Variants in MTURN observed in about 807,000 individuals in gnomAD.
The protein encoded by MTURN is maturin.
In MTURN, 7 loss-of-function variants were observed where a neutral mutation model predicts 14.9. That is an observed-to-expected ratio of 0.47 (90% CI 0.27 to 0.88). The LOEUF (loss-of-function observed/expected upper bound fraction) is 0.88. Among genes scored for constraint, MTURN ranks in the 40% least tolerant of loss-of-function variants. The pLI is 0.14. For missense variants in MTURN, 151 were observed against 174.1 expected (o/e 0.87, Z 0.75); for synonymous variants, 69 against 72.5 (o/e 0.95, Z 0.25).
intron 1 of MTURN, among the ~76,000 whole-genome samples, chr7:30,140,379 A>G (rs1035624153): frequency 5.3e-5 from 4 of 75,244 alleles, no homozygotes; most frequent in Non-Finnish European, 1.3e-4. Flanking sequence ...TTAATTTTAC[A>G]TGTGTTTGTA....
chr7:30,150,827 G>A (rs1797200426), intron 2 of MTURN, among the ~76,000 whole-genome samples: 1 of 152,220 alleles, frequency 6.6e-6, no homozygotes, highest in South Asian at 2.1e-4. Flanking sequence ...GTGGTGGAAG[G>A]TAGATCGGCT....
intron 2 of MTURN, among the ~76,000 whole-genome samples, chr7:30,153,176 G>A (rs1382461397): frequency 1.3e-5 from 2 of 152,038 alleles, no homozygotes; most frequent in Non-Finnish European, 2.9e-5. Context: ...CTGTGTGTAC[G>A]CCTGTCTCTT....
intron 2 of MTURN, among the ~76,000 whole-genome samples, chr7:30,153,638 C>A (rs1217877553): frequency 6.6e-6 from 1 of 152,318 alleles, no homozygotes; most frequent in East Asian, 1.9e-4. Flanking sequence ...AACACAAGGT[C>A]ATTATGAGGA....
At position 30,162,103 on chromosome 7, in the gene MTURN, A is replaced by C. The variant is rs958963887; in HGVS notation, c.*4555A>C. ...TAGAAACCCCATTTAAAGCACTATA[A>C]GGCTGAATAGGCACAAGCGATTAAA... On this transcript the variant is annotated 3_prime_UTR_variant, in exon 3 of 3. Coordinates refer to ENST00000324453, the MANE Select transcript of MTURN (RefSeq NM_152793.3). The C allele has an allele frequency of 6.6e-6, 1 of 152,198 alleles. No individual in the cohort carries two copies. Among genetic ancestry groups the C allele is most frequent in the East Asian group, 1.9e-4 (1 of 5,198 alleles). 9.4% of individuals were successfully genotyped at this position (152,198 alleles called of 1,614,324 possible).
At chr7:30,157,405 C>T (rs1797303623) in intron 2 of MTURN, 33 bp from the exon 3 acceptor site, 1 of 1,527,082 alleles carries the variant, frequency 6.5e-7, no homozygotes, top group East Asian at 2.5e-5. Flanking sequence ...ATTTGGCGCT[C>T]ACAGCTGCTT....
chr7:30,157,400 G>T, intron 2 of MTURN, 38 bp from the exon 3 acceptor site: 7 of 1,516,906 alleles, frequency 4.6e-6, no homozygotes, highest in Non-Finnish European at 5.3e-6. Context: ...GGGCCATTTG[G>T]CGCTCACAGC....
At position 30,137,700 on chromosome 7, in the gene MTURN, T is replaced by C. The variant is rs1052449180; in HGVS notation, c.162+2402T>C. ...TTGAATCTGTCCCAGGCCAGGTTTG[T>C]CAAGCTACTGTTTGCCTCTAATAAG... On this transcript the variant is annotated intron_variant, in intron 1 of 2. Coordinates refer to ENST00000324453, the MANE Select transcript of MTURN (RefSeq NM_152793.3). The C allele has an allele frequency of 2.5e-5, 12 of 471,028 alleles. 1 individual carries two copies. The highest frequency in any genetic ancestry group is 4.7e-5 in the Admixed American group (2 of 42,558). 29.2% of individuals were successfully genotyped at this position (471,028 alleles called of 1,614,324 possible).
intron 1 of MTURN, among the ~76,000 whole-genome samples, chr7:30,136,076 A>G (rs1796954264): frequency 6.6e-6 from 1 of 152,080 alleles, no homozygotes. Context: ...TGCCTCTCTG[A>G]GCTGCCCGAG....
intron 2 of MTURN, among the ~76,000 whole-genome samples, chr7:30,149,141 C>T (rs750251139): frequency 3.3e-5 from 5 of 152,100 alleles, no homozygotes; most frequent in Admixed American, 6.5e-5. Context: ...AGGCTAGCCA[C>T]GTTAAATGAG....
intron 2 of MTURN, among the ~76,000 whole-genome samples, chr7:30,147,392 A>G (rs1017801271): frequency 7.9e-5 from 12 of 152,124 alleles, no homozygotes; most frequent in Admixed American, 1.3e-4. Context: ...AGCACAGTTT[A>G]AGTCTTGTGG....
At chr7:30,145,631 C>A (rs987517808) in intron 1 of MTURN, among the ~76,000 whole-genome samples, 1 of 152,180 alleles carries the variant, frequency 6.6e-6, no homozygotes, top group Non-Finnish European at 1.5e-5. Flanking sequence ...CCTTTGTTTT[C>A]CAGTGACATA....
chr7:30,162,466 G>C lies in MTURN; in HGVS notation c.*4918G>C, dbSNP rs887208907. ...ACACAAGAAGCAAAAGCAAGGAATA[G>C]TTGTTGGGTTTTTGTTTTTTGGTTG... On this transcript the variant is annotated 3_prime_UTR_variant, in exon 3 of 3. Transcript: ENST00000324453. 6.6e-6 allele frequency: 1 copy of C among 151,228 alleles called. No individual in the cohort carries two copies. Among genetic ancestry groups the C allele is most frequent in the Non-Finnish European group, 1.5e-5 (1 of 67,854 alleles). 9.4% of individuals were successfully genotyped at this position (151,228 alleles called of 1,614,324 possible).
intron 2 of MTURN, among the ~76,000 whole-genome samples, chr7:30,155,231 G>C (rs572258852): frequency 6.6e-6 from 1 of 152,232 alleles, no homozygotes; most frequent in Admixed American, 6.5e-5. Context: ...GAACCAACTG[G>C]TCATTTCTCT....
intron 1 of MTURN, among the ~76,000 whole-genome samples, chr7:30,137,070 A>G (rs545862263): frequency 5.3e-5 from 8 of 151,338 alleles, no homozygotes; most frequent in African/African-American, 2.0e-4. Context: ...TTCTTTTTGG[A>G]AGGAGTGGGA....
chr7:30,156,120 T>G (rs1797283605), intron 2 of MTURN, among the ~76,000 whole-genome samples: 1 of 152,188 alleles, frequency 6.6e-6, no homozygotes, highest in Admixed American at 6.5e-5. Context: ...GGTTGTGGCT[T>G]CTTGCCTGCA....
At chr7:30,153,068 A>T (rs773413953) in intron 2 of MTURN, among the ~76,000 whole-genome samples, 2 of 152,250 alleles carry the variant, frequency 1.3e-5, no homozygotes, top group Non-Finnish European at 2.9e-5. Flanking sequence ...TGTCAGGAAT[A>T]ATTTAAATAT....
chr7:30,156,584 T>C (rs1022319898), intron 2 of MTURN, among the ~76,000 whole-genome samples: 1 of 152,098 alleles, frequency 6.6e-6, no homozygotes, highest in African/African-American at 2.4e-5. Flanking sequence ...CCCAGCACTT[T>C]GGGAAGCTGA....
Position 30,160,233 on chromosome 7 carries a change from G to T in MTURN, c.*2685G>T, listed in dbSNP as rs1797348745. 6.6e-6 allele frequency: 1 copy of T among 152,374 alleles called. No homozygotes were observed. Among genetic ancestry groups the T allele is most frequent in the Non-Finnish European group, 1.5e-5 (1 of 68,142 alleles). The allele number at this position is 152,374 out of a possible 1,614,324, so 9.4% of individuals were successfully genotyped here. A position where few individuals can be genotyped will look rare whatever the true frequency, so the allele number is the denominator to read the frequency against. On this transcript the variant is annotated 3_prime_UTR_variant, in exon 3 of 3. Transcript: ENST00000324453. ...GGATCTTGCCAAGGTGCTGCCTTTAGGATGCTGACCCCTGCACTACCTTAG... is the reference window on the plus strand; with the variant it reads ...GGATCTTGCCAAGGTGCTGCCTTTATGATGCTGACCCCTGCACTACCTTAG...
Position 30,161,179 on chromosome 7 carries a change from G to A in MTURN, c.*3631G>A, listed in dbSNP as rs1445008138. The A allele has an allele frequency of 1.3e-5, 2 of 152,604 alleles. No individual in the cohort carries two copies. Among genetic ancestry groups the A allele is most frequent in the Non-Finnish European group, 2.9e-5 (2 of 68,054 alleles). The allele number at this position is 152,604 out of a possible 1,614,324, so 9.5% of individuals were successfully genotyped here. On this transcript the variant is annotated 3_prime_UTR_variant, in exon 3 of 3. Transcript: ENST00000324453. The stretch of plus-strand genomic sequence containing the variant: ...TTAAAATTCACAAGTTGGGAAACTG[G>A]TATGAACAGATCTGATTTCTTACAG...
Sources: allele counts gnomAD v4.1 joint callset (sites outside exome capture counted in the v4.1 genomes callset), GRCh38; gene constraint gnomAD v4.1.1; transcripts MANE v1.5; gene names NCBI Gene and HGNC (gene_info 2026-07-23, HGNC 2026-07-21).